KLF17: variants seen among roughly 807,000 people sequenced by gnomAD.
The protein encoded by KLF17 is KLF transcription factor 17, also known as Krueppel-like factor 17.
KLF17 carries 31 observed loss-of-function variants against 34.2 expected under a neutral mutation model. That is an observed-to-expected ratio of 0.91 (90% CI 0.68 to 1.22). KLF17 has a LOEUF of 1.22. KLF17 is among the 50% of genes most tolerant of loss of function. The probability of loss-of-function intolerance (pLI) is 0.00; values close to 1 mark genes in which losing one functional copy is unlikely to be tolerated. For synonymous variants in KLF17, 179 were observed against 186.7 expected, an observed-to-expected ratio of 0.96 and a Z score of 0.34; for missense variants, 478 against 505.2, an observed-to-expected ratio of 0.95 and a Z score of 0.52.
chr1:44,061,643 C>A, the KLF17 span, among the ~76,000 whole-genome samples: 1 of 152,322 alleles, frequency 6.6e-6, no homozygotes, highest in East Asian at 1.9e-4. Context: ...ATAGGCTGGG[C>A]ACAGTGGCTC....
chr1:44,052,898 G>A, the KLF17 span, among the ~76,000 whole-genome samples: 1 of 151,640 alleles, frequency 6.6e-6, no homozygotes, highest in Non-Finnish European at 1.5e-5. Flanking sequence ...TGTGGCCTAG[G>A]CAGGATTTTT....
At chr1:44,047,147 G>C in the KLF17 span, among the ~76,000 whole-genome samples, 3 of 151,950 alleles carry the variant, frequency 2.0e-5, no homozygotes, top group African/African-American at 4.8e-5. Context: ...GTTTAGATAT[G>C]CTTGTTTTTA....
In KLF17 at chr1:44,130,170, T is replaced by A; in HGVS notation, c.899T>A (p.Leu300His). 6.2e-7 allele frequency: 1 copy of A among 1,613,052 alleles called. No homozygotes were observed. The highest frequency in any genetic ancestry group is 8.5e-7 in the Non-Finnish European group (1 of 1,179,438). The change falls in exon 2 of 4, where the codon CTC becomes CAC. Residue 300 changes from leucine (L) to histidine (H), a missense_variant. Leu to His is a moderately conservative substitution (Grantham distance 99). Coordinates refer to ENST00000372299, the MANE Select transcript of KLF17 (RefSeq NM_173484.4). ...CGKAYTKRSH[L>H]VSHQRKHTGE... ...AAAGCTTATACCAAACGCTCCCACC[T>A]CGTGAGCCACCAGCGCAAGCACACA...
chr1:44,059,078 G>A, the KLF17 span, among the ~76,000 whole-genome samples: 1 of 152,080 alleles, frequency 6.6e-6, no homozygotes, highest in African/African-American at 2.4e-5. Context: ...TAACTAGTTT[G>A]GTACCCCTGT....
At chr1:44,078,794 C>A in the KLF17 span, among the ~76,000 whole-genome samples, 1 of 152,108 alleles carries the variant, frequency 6.6e-6, no homozygotes, top group African/African-American at 2.4e-5. Context: ...AGCTAGGCAC[C>A]CCCACAACAG....
At chr1:44,099,833 GAA>G in the KLF17 span, among the ~76,000 whole-genome samples, 3 of 11,860 alleles carry the variant, frequency 2.5e-4, no homozygotes, top group Admixed American at 3.0e-3. Flanking sequence ...AAAGAAGAAA[GAA>G]AGAAAGAAAG....
At chr1:44,117,191 C>G (rs1441637619), upstream of KLF17, 1 of 152,044 alleles carries the variant, frequency 6.6e-6, no homozygotes, top group African/African-American at 2.4e-5. Flanking sequence ...GAGTTTTGAC[C>G]TACTCTATTT....
upstream of KLF17, among the ~76,000 whole-genome samples, chr1:44,118,093 A>G (rs1039464161): frequency 1.3e-5 from 2 of 151,886 alleles, no homozygotes; most frequent in African/African-American, 2.4e-5. Flanking sequence ...CAATCTTCCT[A>G]TGGCTGGCTC....
chr1:44,096,434 T>A, the KLF17 span, among the ~76,000 whole-genome samples: 1 of 150,276 alleles, frequency 6.7e-6, no homozygotes, highest in South Asian at 2.1e-4. Context: ...AGTCTCGCTC[T>A]GTCGCCCAGG....
chr1:44,122,519 G>A (rs1051322368), intron 1 of KLF17: 45 of 892,588 alleles, frequency 5.0e-5, no homozygotes, highest in Middle Eastern at 2.1e-4. Context: ...TCATCCTAGC[G>A]GTGCCATCAC....
the KLF17 span, among the ~76,000 whole-genome samples, chr1:44,074,491 A>C: frequency 0.082 from 12,441 of 152,156 alleles, 508 homozygotes; most frequent in African/African-American, 0.1. Context: ...TCCCCATTCC[A>C]GTCTGCCCAC....
At chr1:44,078,414 C>G in the KLF17 span, among the ~76,000 whole-genome samples, 1 of 150,640 alleles carries the variant, frequency 6.6e-6, no homozygotes, top group Non-Finnish European at 1.5e-5. Context: ...CTCCTCTTCC[C>G]GGTTCTGGGG....
the KLF17 span, among the ~76,000 whole-genome samples, chr1:44,090,327 AAAAAAAAAAAG>A: frequency 6.9e-5 from 10 of 145,220 alleles, no homozygotes; most frequent in South Asian, 2.2e-4. Context: ...AAAAAAAAAA[AAAAAAAAAAAG>A]AAAAGATTTG....
intron 1 of KLF17, among the ~76,000 whole-genome samples, chr1:44,127,682 CTTTCTTTCTTTT>C (rs1557731979): frequency 1.1e-3 from 55 of 50,334 alleles, no homozygotes; most frequent in African/African-American, 3.7e-3. Flanking sequence ...TTCTTTCTTT[CTTTCTTTCTTTT>C]TCTTTCTTTC....
chr1:44,093,690 C>T, the KLF17 span, among the ~76,000 whole-genome samples: 3 of 152,082 alleles, frequency 2.0e-5, no homozygotes, highest in South Asian at 2.1e-4. Context: ...CCACCGCACT[C>T]ATCTTTATAC....
the KLF17 span, among the ~76,000 whole-genome samples, chr1:44,053,459 G>A: frequency 1.3e-5 from 2 of 150,934 alleles, no homozygotes; most frequent in South Asian, 2.1e-4. Flanking sequence ...CCCTAGTTCT[G>A]GGGGGGGAGG....
chr1:44,116,877 T>C (rs1353764210), upstream of KLF17, among the ~76,000 whole-genome samples: 1 of 152,216 alleles, frequency 6.6e-6, no homozygotes, highest in African/African-American at 2.4e-5. Flanking sequence ...TGACCTTCTC[T>C]GAGCATAATT....
upstream of KLF17, chr1:44,114,149 C>T (rs1250347827): frequency 6.6e-6 from 1 of 152,280 alleles, no homozygotes; most frequent in African/African-American, 2.4e-5. Flanking sequence ...GTGGGGCTGG[C>T]TCTGTCCTAT....
the KLF17 span, among the ~76,000 whole-genome samples, chr1:44,084,203 A>G: frequency 1.2e-3 from 183 of 152,272 alleles, 1 homozygote; most frequent in Admixed American, 1.9e-3. Context: ...ATTTTAACCA[A>G]TTTATGTTTC....
Sources: gnomAD v4.1 joint callset for allele counts (sites outside exome capture counted in the v4.1 genomes callset) on GRCh38, gnomAD v4.1.1 for gene constraint, MANE v1.5 for transcripts, NCBI Gene and HGNC (gene_info 2026-07-23, HGNC 2026-07-21) for gene names.